Variants in PTPRD observed in about 807,000 individuals in gnomAD.
PTPRD encodes the protein receptor-type tyrosine-protein phosphatase delta.
A neutral mutation model predicts 214.5 loss-of-function variants in PTPRD; 34 were observed. The observed-to-expected ratio is 0.16, with a 90% CI of 0.12 to 0.21. The LOEUF (loss-of-function observed/expected upper bound fraction) is 0.21. Ranked by LOEUF, PTPRD falls within the 10% of genes least tolerant of loss-of-function variation. PTPRD has a pLI of 1.00. For missense variants in PTPRD, 2,545 were observed against 2,398.7 expected (o/e 1.06, Z -1.27); for synonymous variants, 1,128 against 845.7 (o/e 1.33, Z -5.79).
At chr9:9,723,676 G>A (rs998695386) in intron 7 of PTPRD, among the ~76,000 whole-genome samples, 1 of 151,994 alleles carries the variant, frequency 6.6e-6, no homozygotes, top group Non-Finnish European at 1.5e-5. Context: ...TTCCATTCAT[G>A]TAGATCTTTG....
At chr9:8,841,973 T>C (rs2097567667) in intron 11 of PTPRD, among the ~76,000 whole-genome samples, 1 of 150,200 alleles carries the variant, frequency 6.7e-6, no homozygotes, top group African/African-American at 2.5e-5. Context: ...ATGGCCCCAC[T>C]GCACTCCAGC....
chr9:8,871,868 T>C lies in PTPRD; in HGVS notation c.-103-137922A>G, dbSNP rs1487735928. Among the ~76,000 whole-genome samples the C allele has an allele frequency of 3.3e-5, 5 of 152,182 alleles. No individual in the cohort carries two copies. In the East Asian group the frequency reaches 9.6e-4, roughly 29 times the overall value. ...AAAAAGAACTGCCCAAATCCACTGT[T>C]TGAAGCAGAAAGGAAATGAAGATAT... On this transcript the variant is annotated intron_variant, in intron 11 of 45. Coordinates refer to ENST00000381196, the MANE Select transcript of PTPRD (RefSeq NM_002839.4).
intron 11 of PTPRD, among the ~76,000 whole-genome samples, chr9:8,874,291 A>G (rs2098353646): frequency 6.6e-6 from 1 of 152,162 alleles, no homozygotes; most frequent in South Asian, 2.1e-4. Context: ...TTCTTTTCAA[A>G]CCAAGATAGA....
intron 11 of PTPRD, among the ~76,000 whole-genome samples, chr9:8,760,647 C>T (rs1364322086): frequency 6.6e-6 from 1 of 150,390 alleles, no homozygotes; most frequent in Non-Finnish European, 1.5e-5. Context: ...GGGATGTATG[C>T]ATGTTTTATG....
intron 10 of PTPRD, among the ~76,000 whole-genome samples, chr9:9,131,797 T>G (rs2099843069): frequency 6.6e-6 from 1 of 152,328 alleles, no homozygotes; most frequent in East Asian, 1.9e-4. Flanking sequence ...TTCGATAATA[T>G]GGAGATGAAT....
chr9:10,208,564 C>T (rs922975443), intron 3 of PTPRD, among the ~76,000 whole-genome samples: 2 of 152,178 alleles, frequency 1.3e-5, no homozygotes, highest in African/African-American at 2.4e-5. Context: ...ACTCTGAACA[C>T]ATAAAATGCA....
chr9:8,541,620 T>C (rs1311932277), intron 14 of PTPRD, among the ~76,000 whole-genome samples: 1 of 152,120 alleles, frequency 6.6e-6, no homozygotes, highest in Non-Finnish European at 1.5e-5. Context: ...CCTTCCACCC[T>C]GGCCTTCCAG....
intron 11 of PTPRD, among the ~76,000 whole-genome samples, chr9:8,924,134 C>G (rs1302960120): frequency 6.6e-6 from 1 of 150,900 alleles, no homozygotes; most frequent in African/African-American, 2.4e-5. Flanking sequence ...ACGATTAAAT[C>G]CAGCACTCAC....
chr9:9,720,252 C>T (rs1041235601), intron 7 of PTPRD, among the ~76,000 whole-genome samples: 5 of 152,140 alleles, frequency 3.3e-5, no homozygotes, highest in Admixed American at 6.6e-5. Context: ...AAATAATTTA[C>T]ACTTATACTC....
At chr9:9,475,550 C>A (rs1286419409) in intron 8 of PTPRD, among the ~76,000 whole-genome samples, 1 of 152,140 alleles carries the variant, frequency 6.6e-6, no homozygotes, top group Admixed American at 6.5e-5. Flanking sequence ...CAATCAATGT[C>A]ATCAGGACTC....
intron 11 of PTPRD, among the ~76,000 whole-genome samples, chr9:8,966,165 C>T (rs1416629350): frequency 6.6e-6 from 1 of 151,920 alleles, no homozygotes; most frequent in African/African-American, 2.4e-5. Context: ...GATTGGAAGA[C>T]TCAATATTAC....
At chr9:9,826,057 C>G (rs1244192852) in intron 5 of PTPRD, among the ~76,000 whole-genome samples, 4 of 151,588 alleles carry the variant, frequency 2.6e-5, no homozygotes, top group Admixed American at 6.6e-5. Context: ...CTGTTCTGCT[C>G]TCTTTTATTT....
chr9:9,818,678 G>T (rs1006257013), intron 5 of PTPRD, among the ~76,000 whole-genome samples: 22 of 152,118 alleles, frequency 1.4e-4, no homozygotes, highest in African/African-American at 4.8e-4. Context: ...AGCACTTTGG[G>T]AGGCCGAGAT....
At chr9:10,512,052 G>A (rs1254811087) in intron 2 of PTPRD, among the ~76,000 whole-genome samples, 5 of 124,432 alleles carry the variant, frequency 4.0e-5, no homozygotes, top group South Asian at 2.3e-4. Flanking sequence ...ATACACACAC[G>A]TATATATATA....
chr9:10,530,328 A>T (rs2134636530), intron 2 of PTPRD, among the ~76,000 whole-genome samples: 1 of 152,316 alleles, frequency 6.6e-6, no homozygotes, highest in South Asian at 2.1e-4. Flanking sequence ...GACTTTTTAG[A>T]GGAAAAAAAT....
At chr9:9,642,194 T>C (rs1350909868) in intron 7 of PTPRD, among the ~76,000 whole-genome samples, 2 of 140,496 alleles carry the variant, frequency 1.4e-5, no homozygotes, top group Non-Finnish European at 3.0e-5. Flanking sequence ...ATATTCTCAC[T>C]CATAGGTGGG....
intron 10 of PTPRD, among the ~76,000 whole-genome samples, chr9:9,141,612 C>T (rs561106582): frequency 5.3e-5 from 8 of 151,454 alleles, no homozygotes; most frequent in South Asian, 2.1e-4. Context: ...ACCAAATCTC[C>T]GGGAACAGTG....
At chr9:9,869,267 G>C (rs1156251555) in intron 5 of PTPRD, among the ~76,000 whole-genome samples, 2 of 152,152 alleles carry the variant, frequency 1.3e-5, no homozygotes, top group African/African-American at 4.8e-5. Flanking sequence ...CTTTATGGAA[G>C]TCTTGCTAAC....
chr9:10,094,444 C>T (rs2098462859), intron 3 of PTPRD, among the ~76,000 whole-genome samples: 1 of 150,598 alleles, frequency 6.6e-6, no homozygotes, highest in Non-Finnish European at 1.5e-5. Context: ...CCTAAACAAT[C>T]ATTTATGTCT....
Sources: allele counts gnomAD v4.1 joint callset (sites outside exome capture counted in the v4.1 genomes callset), GRCh38; gene constraint gnomAD v4.1.1; transcripts MANE v1.5; gene names NCBI Gene and HGNC (gene_info 2026-07-23, HGNC 2026-07-21).